ARHGEF12: variants seen among roughly 807,000 people sequenced by gnomAD.
The protein encoded by ARHGEF12 is KMT2A/ARHGEF12 fusion protein.
ARHGEF12 carries 66 observed loss-of-function variants against 211.2 expected under a neutral mutation model. The ratio of observed to expected loss-of-function variants is 0.31; its 90% CI spans 0.26 to 0.38. ARHGEF12 has a LOEUF of 0.38. ARHGEF12 is among the 10% of genes least tolerant of loss of function. The probability of loss-of-function intolerance (pLI) is 1.00; values close to 1 mark genes in which losing one functional copy is unlikely to be tolerated. For missense variants in ARHGEF12, 1,429 were observed against 1,869.5 expected, an observed-to-expected ratio of 0.76 and a Z score of 4.34; for synonymous variants, 592 against 638.4, an observed-to-expected ratio of 0.93 and a Z score of 1.09.
At chr11:120,402,095 C>T (rs1944561054) in intron 1 of ARHGEF12, among the ~76,000 whole-genome samples, 1 of 152,122 alleles carries the variant, frequency 6.6e-6, no homozygotes, top group Non-Finnish European at 1.5e-5. Flanking sequence ...AGAGGTTAAG[C>T]AACTTGTTCA....
chr11:120,458,322 A>G, intron 25 of ARHGEF12, 88 bp downstream of exon 25: 3 of 1,490,132 alleles, frequency 2.0e-6, no homozygotes, highest in Admixed American at 2.0e-5. Flanking sequence ...GTTTGCTTCA[A>G]AGTTTCTCCT....
chr11:120,465,657 G>T (rs1310517210), intron 28 of ARHGEF12, among the ~76,000 whole-genome samples: 1 of 152,074 alleles, frequency 6.6e-6, no homozygotes. Context: ...TAGTAGAGAC[G>T]GGGTTTCACC....
chr11:120,392,976 A>C (rs909816104), intron 1 of ARHGEF12, among the ~76,000 whole-genome samples: 2 of 152,184 alleles, frequency 1.3e-5, no homozygotes, highest in African/African-American at 4.8e-5. Context: ...GGACTCTGAG[A>C]GGAATAGTAG....
intron 11 of ARHGEF12, among the ~76,000 whole-genome samples, chr11:120,434,596 C>T (rs940377890): frequency 6.6e-6 from 1 of 152,094 alleles, no homozygotes; most frequent in Non-Finnish European, 1.5e-5. Context: ...TGAATCAGTG[C>T]TTTTAACTTT....
chr11:120,425,923 T>G (rs919633028), intron 7 of ARHGEF12, among the ~76,000 whole-genome samples: 2 of 152,222 alleles, frequency 1.3e-5, no homozygotes, highest in Admixed American at 1.3e-4. Context: ...CACTACTGTT[T>G]TATTTAATTC....
chr11:120,447,734 T>C (rs1268240333), intron 18 of ARHGEF12, 140 bp from the exon 19 acceptor site: 1 of 564,186 alleles, frequency 1.8e-6, no homozygotes, highest in Non-Finnish European at 3.1e-6. Context: ...GAGAATCACT[T>C]GCGCCCAGGA....
chr11:120,373,030 C>T (rs1943631269), intron 1 of ARHGEF12, among the ~76,000 whole-genome samples: 1 of 148,406 alleles, frequency 6.7e-6, no homozygotes, highest in Admixed American at 6.7e-5. Flanking sequence ...AAGATTTTTT[C>T]TTAGAAGTAA....
At chr11:120,369,125 C>CTTTTT (rs1183494101) in intron 1 of ARHGEF12, among the ~76,000 whole-genome samples, 5 of 127,290 alleles carry the variant, frequency 3.9e-5, no homozygotes, top group East Asian at 2.2e-4. Flanking sequence ...TTCTTTTCTT[C>CTTTTT]TTTTTTTTTT....
intron 27 of ARHGEF12, chr11:120,462,815 T>G (rs1338784518): frequency 6.6e-6 from 1 of 152,258 alleles, no homozygotes; most frequent in Non-Finnish European, 1.5e-5. Context: ...AATCCTTGAC[T>G]TACTATGGTT....
In ARHGEF12 at chr11:120,347,146, T is replaced by TC. The variant is rs1942763669; in HGVS notation, c.32+9873dup. Among the ~76,000 whole-genome samples the TC allele has an allele frequency of 1.1e-4, 5 of 46,734 alleles. 1 individual carries two copies. Among genetic ancestry groups the TC allele is most frequent in the African/African-American group, 1.6e-4 (1 of 6,104 alleles). 30.7% of individuals were successfully genotyped at this position (46,734 alleles called of 152,430 possible). ...TTCTTTCTTTCTTTCCTTCCTTCCT[T>TC]CCTTCCTTCCTTCCTTCCTTCCTTC... On this transcript the variant is annotated intron_variant, in intron 1 of 40. Coordinates refer to ENST00000397843, the MANE Select transcript of ARHGEF12 (RefSeq NM_015313.3).
intron 29 of ARHGEF12, among the ~76,000 whole-genome samples, chr11:120,467,725 A>C (rs956400090): frequency 6.0e-5 from 9 of 151,052 alleles, no homozygotes; most frequent in Non-Finnish European, 1.3e-4. Flanking sequence ...ATGAGTCACC[A>C]TACCCAGCCA....
At chr11:120,463,688 T>C (rs908122074) in intron 27 of ARHGEF12, 7 of 152,192 alleles carry the variant, frequency 4.6e-5, no homozygotes, top group African/African-American at 1.7e-4. Flanking sequence ...ACATGTTAAA[T>C]GTCATATTCA....
rs1942372117 is a variant in ARHGEF12 at position 120,337,080 on chromosome 11, T to A, written c.-164T>A. 1 of 769,752 alleles carries A rather than the reference T, an allele frequency of 1.3e-6. No homozygotes were observed. The highest frequency in any genetic ancestry group is 2.2e-6 in the Non-Finnish European group (1 of 457,386). The allele number at this position is 769,752 out of a possible 1,614,324, so 47.7% of individuals were successfully genotyped here. On this transcript the variant is annotated 5_prime_UTR_variant, in exon 1 of 41. Coordinates refer to ENST00000397843, the MANE Select transcript of ARHGEF12 (RefSeq NM_015313.3). ...TTGTTTTGCTCCAAGCCGCATCCGT[T>A]GACCCCTTACAGTCGGATGGTCTAG...
At chr11:120,413,805 A>G (rs1410318083) in intron 4 of ARHGEF12, among the ~76,000 whole-genome samples, 1 of 152,216 alleles carries the variant, frequency 6.6e-6, no homozygotes, top group Non-Finnish European at 1.5e-5. Context: ...GCTGAAACCT[A>G]GAGAAGTTTG....
At chr11:120,432,214 G>A (rs552639572) in intron 11 of ARHGEF12, among the ~76,000 whole-genome samples, 6 of 152,238 alleles carry the variant, frequency 3.9e-5, no homozygotes, top group African/African-American at 1.2e-4. Context: ...TTACTGAACC[G>A]AGAGACCAAC....
chr11:120,481,004 G>A (rs1947217803), intron 38 of ARHGEF12, among the ~76,000 whole-genome samples: 1 of 152,152 alleles, frequency 6.6e-6, no homozygotes, highest in Non-Finnish European at 1.5e-5. Flanking sequence ...GGAAGTGGTA[G>A]CAAGATCATT....
chr11:120,426,854 T>G (rs1167282449), intron 7 of ARHGEF12, among the ~76,000 whole-genome samples: 1 of 151,320 alleles, frequency 6.6e-6, no homozygotes, highest in African/African-American at 2.4e-5. Context: ...TGACTCTGAT[T>G]ATGGTGTTTT....
intron 11 of ARHGEF12, among the ~76,000 whole-genome samples, chr11:120,434,408 G>T (rs1945635615): frequency 6.6e-6 from 1 of 152,160 alleles, no homozygotes; most frequent in South Asian, 2.1e-4. Context: ...GTCCAAGCTA[G>T]GCTATCTTCT....
intron 4 of ARHGEF12, chr11:120,409,992 G>A (rs1023247610): frequency 1.3e-5 from 2 of 152,172 alleles, no homozygotes; most frequent in Admixed American, 1.3e-4. Context: ...GCAAAAATAC[G>A]TAAGTATTTT....
Sources: allele counts gnomAD v4.1 joint callset (sites outside exome capture counted in the v4.1 genomes callset), GRCh38; gene constraint gnomAD v4.1.1; transcripts MANE v1.5; gene names NCBI Gene and HGNC (gene_info 2026-07-23, HGNC 2026-07-21).